Variants in XRCC3 observed in about 807,000 individuals in gnomAD.
XRCC3 encodes DNA repair protein XRCC3.
XRCC3 carries 34 observed loss-of-function variants against 29.2 expected under a neutral mutation model. That is an observed-to-expected ratio of 1.16 (90% CI 0.88 to 1.55). The LOEUF is 1.55. Ranked by LOEUF, XRCC3 falls within the 40% of genes most tolerant of loss-of-function variation. The pLI is 0.00. For missense variants in XRCC3, 463 were observed against 467.6 expected (o/e 0.99, Z 0.09); for synonymous variants, 223 against 211.3 (o/e 1.06, Z -0.48).
Position 103,698,899 on chromosome 14 carries a change from T to G in XRCC3, c.940A>C (p.Thr314Pro), listed in dbSNP as rs2151903086. 6.2e-7 allele frequency: 1 copy of G among 1,602,534 alleles called. No individual in the cohort carries two copies. The highest frequency in any genetic ancestry group is 8.5e-7 in the Non-Finnish European group (1 of 1,175,170). ...EEAALGCPAR[T>P]LRVLSAPHLP... Reference sequence around the variant, plus strand: ...TGGGGGGCAGAGAGCACCCGCAGGGTCCGGGCTGGGCAGCCGAGGGCAGCC... The same window carrying G: ...TGGGGGGCAGAGAGCACCCGCAGGGGCCGGGCTGGGCAGCCGAGGGCAGCC... Residue 314 changes from threonine (T) to proline (P), a missense_variant, in exon 10 of 10, where the codon ACC (threonine) becomes CCC (proline). Transcript: ENST00000555055.
At chr14:103,710,874 A>G (rs2083602709) in intron 4 of XRCC3, 159 bp downstream of exon 4, 1 of 693,374 alleles carries the variant, frequency 1.4e-6, no homozygotes, top group Non-Finnish European at 2.6e-6. Context: ...ACACACACAC[A>G]CACACACACC....
At chr14:103,706,789 G>A (rs550560254) in intron 6 of XRCC3, 454 of 644,526 alleles carry the variant, frequency 7.0e-4, no homozygotes, top group African/African-American at 5.5e-3. Context: ...GGTGGGGTTC[G>A]TACCCTCCCA....
chr14:103,698,634 C>G lies in XRCC3; in HGVS notation c.*164G>C. 1.4e-6 allele frequency: 1 copy of G among 692,908 alleles called. No homozygotes were observed. The highest frequency in any genetic ancestry group is 1.7e-5 in the South Asian group (1 of 58,080). 42.9% of individuals were successfully genotyped at this position (692,908 alleles called of 1,614,324 possible). A position where few individuals can be genotyped will look rare whatever the true frequency, so the allele number is the denominator to read the frequency against. On this transcript the variant is annotated 3_prime_UTR_variant, in exon 10 of 10. Transcript: ENST00000555055. Reference sequence around the variant, plus strand: ...CCCCCCAGCTCAGATGGGGGTCAGTCTGTGGCCACCATCTTCGGATGAGAA... The same window carrying G: ...CCCCCCAGCTCAGATGGGGGTCAGTGTGTGGCCACCATCTTCGGATGAGAA...
rs964503148 is a variant in XRCC3, at chr14:103,703,421, ACT to A, written c.407-96_407-95del. ...GTGCAGATGTCTCCCGCCATTTCTA[ACT>A]CTCTGCCCCTCACAGGTTCTTTGCC... On this transcript the variant is annotated intron_variant, in intron 6 of 9. Coordinates refer to ENST00000555055, the MANE Select transcript of XRCC3 (RefSeq NM_005432.4). 145 of 1,385,688 alleles carry A rather than the reference ACT, an allele frequency of 1.0e-4. No individual in the cohort carries two copies. The South Asian group carries it at 1.6e-3, about 15-fold the overall frequency. The allele number at this position is 1,385,688 out of a possible 1,614,324, so 85.8% of individuals were successfully genotyped here. A position where few individuals can be genotyped will look rare whatever the true frequency, so the allele number is the denominator to read the frequency against.
chr14:103,710,763 CTT>C (rs2083597410), intron 4 of XRCC3: 1 of 443,476 alleles, frequency 2.3e-6, no homozygotes, highest in Non-Finnish European at 4.1e-6. Context: ...AACTAAAAGA[CTT>C]TATGTGGCTC....
chr14:103,699,612 C>T, intron 7 of XRCC3, 36 bp from the exon 8 acceptor site: 1 of 1,608,198 alleles, frequency 6.2e-7, no homozygotes. Context: ...TGCTGGTCAG[C>T]AAGTCCCCGC....
rs1178462888 is a variant in XRCC3 at position 103,707,194 on chromosome 14, T to C, written c.215A>G (p.Lys72Arg). The change falls in exon 6 of 10, where the codon AAG becomes AGG. Residue 72 changes from lysine to arginine, a missense_variant. Transcript: ENST00000555055. ...ILTALQLHQQ[K>R]ERFPTQHQRL... ...CTGGTGCTGCGTGGGGAACCGCTCCTTCTGCTGGTGCAGCTGCAGTGCTAA... is the reference window on the plus strand; with the variant it reads ...CTGGTGCTGCGTGGGGAACCGCTCCCTCTGCTGGTGCAGCTGCAGTGCTAA... 6.5e-7 allele frequency: 1 copy of C among 1,548,928 alleles called. No homozygotes were observed. Among genetic ancestry groups the C allele is most frequent in the East Asian group, 2.4e-5 (1 of 40,906 alleles).
chr14:103,711,008 T>G, intron 4 of XRCC3, 25 bp downstream of exon 4: 1 of 1,613,450 alleles, frequency 6.2e-7, no homozygotes, highest in East Asian at 2.2e-5. Context: ...ACCCACACCC[T>G]TTATGTAAAT....
Position 103,699,170 on chromosome 14 carries a change from C to T in XRCC3, c.784G>A (p.Ala262Thr). ...PVLCINQVTE[A>T]MEEQGAAHGP... ...TGTGCTGCGCCCTGCTCCTCCATGG[C>T]CTCTGTCACCTGGAAGAGCACAGTC... The change falls in exon 9 of 10, where the codon GCC becomes ACC. Residue 262 changes from alanine to threonine, a missense_variant. Physicochemically the swap from Ala to Thr is moderately conservative, Grantham distance 58. Transcript: ENST00000555055. The T allele has an allele frequency of 1.3e-6, 2 of 1,565,594 alleles. No homozygotes were observed. The highest frequency in any genetic ancestry group is 1.4e-5 in the African/African-American group (1 of 74,048).
Position 103,699,374 on chromosome 14 carries a change from C to G in XRCC3, c.764G>C (p.Cys255Ser). 6.2e-7 allele frequency: 1 copy of G among 1,607,486 alleles called. No individual in the cohort carries two copies. Among genetic ancestry groups the G allele is most frequent in the Non-Finnish European group, 8.5e-7 (1 of 1,177,798 alleles). Residue 255 changes from cysteine (C) to serine (S), a missense_variant, in exon 8 of 10, where the codon TGC (cysteine) becomes TCC (serine). Physicochemically the swap from Cys to Ser is moderately radical, Grantham distance 112 (BLOSUM62 -1). Transcript: ENST00000555055. ...LSSAFQSPVL[C>S]INQVTEAMEE... ...TGCCTTGGTGCTCACCTGGTTGATG[C>G]ACAGCACAGGGCTCTGGAAGGCACT... is the stretch of plus-strand genomic sequence containing the variant.
chr14:103,699,407 T>C lies in XRCC3; in HGVS notation c.731A>G (p.Glu244Gly), dbSNP rs575587037. ...AGGGCTCTGGAAGGCACTGCTCAGCTCACGCAGCGTGGCCCCCAGGGACTG... is the reference window on the plus strand; with the variant it reads ...AGGGCTCTGGAAGGCACTGCTCAGCCCACGCAGCGTGGCCCCCAGGGACTG... ...HLQSLGATLR[E>G]LSSAFQSPVL... Residue 244 changes from glutamate to glycine, a missense_variant, in exon 8 of 10, where the codon GAG (glutamate) becomes GGG (glycine). Transcript: ENST00000555055. The C allele has an allele frequency of 1.2e-6, 2 of 1,612,282 alleles. No individual in the cohort carries two copies. Among genetic ancestry groups the C allele is most frequent in the South Asian group, 2.2e-5 (2 of 91,022 alleles).
chr14:103,710,883 C>CACA, intron 4 of XRCC3, 150 bp downstream of exon 4: 19 of 694,398 alleles, frequency 2.7e-5, no homozygotes, highest in South Asian at 5.0e-5. Flanking sequence ...CACACACACA[C>CACA]CTGAAAATCC....
At chr14:103,702,346 TG>T (rs1304851646) in intron 7 of XRCC3, 1 of 152,362 alleles carries the variant, frequency 6.6e-6, no homozygotes, top group Non-Finnish European at 1.5e-5. Context: ...GTGGAGCCCC[TG>T]TGCCCCTAGT....
At chr14:103,710,418 A>G (rs933974826) in intron 4 of XRCC3, 1 of 153,024 alleles carries the variant, frequency 6.5e-6, no homozygotes, top group African/African-American at 2.4e-5. Context: ...CACGTTTAGG[A>G]GCCCAGATGT....
intron 7 of XRCC3, chr14:103,699,861 G>A (rs2082985731): frequency 2.1e-6 from 1 of 486,024 alleles, no homozygotes; most frequent in Non-Finnish European, 3.8e-6. Context: ...ACCGTCCTCT[G>A]TAGAGGTGTC....
intron 5 of XRCC3, chr14:103,707,849 T>G: frequency 5.4e-6 from 1 of 184,908 alleles, no homozygotes; most frequent in Non-Finnish European, 1.1e-5. Flanking sequence ...TCCCTTGGAG[T>G]CTGCACACTG....
At chr14:103,710,367 G>A (rs1239110980) in intron 4 of XRCC3, 1 of 152,450 alleles carries the variant, frequency 6.6e-6, no homozygotes, top group Non-Finnish European at 1.5e-5. Flanking sequence ...GAAGTCCATG[G>A]ATAATCAGTA....
Position 103,711,189 on chromosome 14 carries a change from G to C in XRCC3, c.-102C>G, listed in dbSNP as rs1245602911. 2 of 1,341,674 alleles carry C rather than the reference G, an allele frequency of 1.5e-6. No homozygotes were observed. The highest frequency in any genetic ancestry group is 2.1e-6 in the Non-Finnish European group (2 of 941,520). 83.1% of individuals were successfully genotyped at this position (1,341,674 alleles called of 1,614,324 possible). On this transcript the variant is annotated 5_prime_UTR_variant, in exon 4 of 10. Transcript: ENST00000555055. ...CGCCTTCAATTCAAAGCCTGTGGGA[G>C]GCCCGAACCAGGGAAGTGACAGCAG...
chr14:103,711,608 C>T (rs2083632394), intron 2 of XRCC3, 41 bp from the exon 3 acceptor site: 2 of 456,306 alleles, frequency 4.4e-6, no homozygotes, highest in East Asian at 6.9e-5. Flanking sequence ...TGGCAGGGTG[C>T]TCAGGGATCC....
Sources: allele counts gnomAD v4.1 joint callset, GRCh38; gene constraint gnomAD v4.1.1; transcripts MANE v1.5; gene names NCBI Gene and HGNC (gene_info 2026-07-23, HGNC 2026-07-21).